SOS2: variants seen among roughly 807,000 people sequenced by gnomAD.
SOS2 encodes the protein SOS Ras/Rho guanine nucleotide exchange factor 2.
Under a neutral mutation model 148.2 loss-of-function variants are expected in SOS2, and 65 were observed. The ratio of observed to expected loss-of-function variants is 0.44; its 90% CI spans 0.36 to 0.54. The LOEUF (loss-of-function observed/expected upper bound fraction) is 0.54. Among genes scored for constraint, SOS2 ranks in the 20% least tolerant of loss-of-function variants. The pLI is 0.00. For missense variants in SOS2, 1,341 were observed against 1,590.2 expected (o/e 0.84, Z 2.67); for synonymous variants, 539 against 537.1 (o/e 1.00, Z -0.05).
At chr14:50,187,483 G>T (rs996692806) in intron 5 of SOS2, among the ~76,000 whole-genome samples, 1 of 151,726 alleles carries the variant, frequency 6.6e-6, no homozygotes, top group Non-Finnish European at 1.5e-5. Flanking sequence ...GAGTAGCTGG[G>T]ACTACAGGCG....
At chr14:50,157,173 A>G in intron 11 of SOS2, 52 bp from the exon 12 acceptor site, 1 of 1,577,868 alleles carries the variant, frequency 6.3e-7, no homozygotes. Context: ...ATGAAAATAC[A>G]AGGAGGAAAA....
chr14:50,131,895 C>A (rs921405029), intron 19 of SOS2, among the ~76,000 whole-genome samples: 1 of 152,060 alleles, frequency 6.6e-6, no homozygotes, highest in African/African-American at 2.4e-5. Context: ...TGAAGAGGAC[C>A]TATGATTAAC....
intron 13 of SOS2, among the ~76,000 whole-genome samples, chr14:50,152,279 C>T (rs538365101): frequency 2.0e-5 from 3 of 152,086 alleles, no homozygotes; most frequent in Admixed American, 1.3e-4. Context: ...TGTTCATGGC[C>T]TAGGGTTTCA....
chr14:50,183,628 T>G (rs1249587514), intron 5 of SOS2, among the ~76,000 whole-genome samples: 1 of 152,198 alleles, frequency 6.6e-6, no homozygotes, highest in Non-Finnish European at 1.5e-5. Flanking sequence ...TTTGAGTGTT[T>G]TAAAACTGGC....
At chr14:50,180,256 G>A (rs2139700541) in intron 7 of SOS2, among the ~76,000 whole-genome samples, 3 of 148,956 alleles carry the variant, frequency 2.0e-5, no homozygotes, top group Middle Eastern at 3.4e-3. Context: ...CACCTGTCTT[G>A]GCCTCCCAAA....
chr14:50,200,129 C>G (rs112238715), intron 3 of SOS2, among the ~76,000 whole-genome samples: 5 of 152,122 alleles, frequency 3.3e-5, no homozygotes, highest in African/African-American at 1.2e-4. Flanking sequence ...CCACTAAAAG[C>G]CTCTTAATAC....
intron 8 of SOS2, among the ~76,000 whole-genome samples, chr14:50,162,135 A>ACCATTCGG (rs1343708610): frequency 1.3e-5 from 2 of 151,910 alleles, no homozygotes; most frequent in Admixed American, 6.6e-5. Flanking sequence ...AACTGTAAAA[A>ACCATTCGG]CCATTCGGAC....
intron 8 of SOS2, 110 bp from the exon 9 acceptor site, chr14:50,161,719 T>A: frequency 1.1e-6 from 1 of 898,144 alleles, no homozygotes; most frequent in South Asian, 1.8e-5. Flanking sequence ...GTTAATTTTA[T>A]ATATACTTAA....
At chr14:50,207,946 C>A (rs190876752) in intron 1 of SOS2, among the ~76,000 whole-genome samples, 13 of 151,684 alleles carry the variant, frequency 8.6e-5, no homozygotes, top group Non-Finnish European at 1.8e-4. Context: ...ATATGACCAT[C>A]CCAATATATA....
At chr14:50,174,327 T>A in intron 8 of SOS2, 127 bp downstream of exon 8, 2 of 331,582 alleles carry the variant, frequency 6.0e-6, no homozygotes, top group Admixed American at 1.4e-4. Context: ...ATGTTACATA[T>A]AAAAATTATT....
chr14:50,218,893 T>C (rs1168811808), intron 1 of SOS2, among the ~76,000 whole-genome samples: 1 of 152,058 alleles, frequency 6.6e-6, no homozygotes, highest in East Asian at 1.9e-4. Context: ...GACGAGTGGA[T>C]CATGAGGTCA....
intron 16 of SOS2, among the ~76,000 whole-genome samples, chr14:50,142,353 G>A (rs1415739046): frequency 6.6e-6 from 1 of 151,932 alleles, no homozygotes; most frequent in Non-Finnish European, 1.5e-5. Context: ...AACATATAAA[G>A]TTCATACAAA....
intron 1 of SOS2, chr14:50,215,357 CA>C (rs1196725920): frequency 7.9e-7 from 1 of 1,264,044 alleles, no homozygotes; most frequent in South Asian, 1.3e-5. Flanking sequence ...AATAAACACA[CA>C]ATGTTAAAAT....
In SOS2 at chr14:50,153,009, A is replaced by T. The variant is rs1594975885; in HGVS notation, c.2161+61T>A. On this transcript the variant is annotated intron_variant, in intron 13 of 22. Coordinates refer to ENST00000216373, the MANE Select transcript of SOS2 (RefSeq NM_006939.4). ...AAATGTTTTAGTTTCTTAAAGTCACACAAATTTGAACATAAACTCATGTTC... is the reference window on the plus strand; with the variant it reads ...AAATGTTTTAGTTTCTTAAAGTCACTCAAATTTGAACATAAACTCATGTTC... 8 of 791,294 alleles carry T rather than the reference A, an allele frequency of 1.0e-5. No individual in the cohort carries two copies. The East Asian group carries it at 2.1e-4, about 21-fold the overall frequency. The allele number at this position is 791,294 out of a possible 1,614,324, so 49.0% of individuals were successfully genotyped here. A position where few individuals can be genotyped will look rare whatever the true frequency, so the allele number is the denominator to read the frequency against.
chr14:50,154,124 G>C (rs1414031242), intron 12 of SOS2, among the ~76,000 whole-genome samples: 2 of 152,118 alleles, frequency 1.3e-5, no homozygotes, highest in Non-Finnish European at 2.9e-5. Context: ...AAGGGAAAAG[G>C]AAAGGGAAGG....
chr14:50,206,396 A>G (rs1886660135), intron 1 of SOS2, among the ~76,000 whole-genome samples: 1 of 152,218 alleles, frequency 6.6e-6, no homozygotes, highest in Non-Finnish European at 1.5e-5. Context: ...CAAGTCCTTT[A>G]TATATAATGG....
chr14:50,130,717 T>A lies in SOS2; in HGVS notation c.3121A>T (p.Asn1041Tyr). The A allele has an allele frequency of 6.2e-7, 1 of 1,613,608 alleles. No individual in the cohort carries two copies. The highest frequency in any genetic ancestry group is 8.5e-7 in the Non-Finnish European group (1 of 1,179,698). ...GAGGTAGAGCCATGTCGGCCTGTGT[T>A]AGGCCTTATTCCAGGAGATTTTAAG... ...FSLKSPGIRP[N>Y]TGRHGSTSGT... The change falls in exon 20 of 23, where the codon AAC (asparagine) becomes TAC (tyrosine). Residue 1041 changes from asparagine to tyrosine, a missense_variant. Physicochemically the swap from Asn to Tyr is moderately radical, Grantham distance 143. Around this residue, in one of 4 missense-constraint regions of SOS2, gnomAD observed 408 missense variants for 506.6 expected, o/e 0.81. Coordinates refer to ENST00000216373, the MANE Select transcript of SOS2 (RefSeq NM_006939.4).
intron 1 of SOS2, among the ~76,000 whole-genome samples, chr14:50,228,232 C>T (rs773601070): frequency 6.6e-6 from 1 of 151,702 alleles, no homozygotes; most frequent in African/African-American, 2.4e-5. Context: ...TTAGTAGAGA[C>T]GGGGTTTCAC....
At chr14:50,151,248 C>T (rs1884654153) in intron 13 of SOS2, among the ~76,000 whole-genome samples, 1 of 152,216 alleles carries the variant, frequency 6.6e-6, no homozygotes, top group Non-Finnish European at 1.5e-5. Context: ...CTTTAATCTA[C>T]AGGTTACTGC....
Sources: gnomAD v4.1 joint callset for allele counts (sites outside exome capture counted in the v4.1 genomes callset) on GRCh38, gnomAD v4.1.1 for gene constraint, gnomAD v4.1.1 regional missense constraint, MANE v1.5 for transcripts, NCBI Gene and HGNC (gene_info 2026-07-23, HGNC 2026-07-21) for gene names.